PPIL2: variants seen among roughly 807,000 people sequenced by gnomAD.
PPIL2 encodes the protein peptidylprolyl isomerase like 2.
Under a neutral mutation model 75.2 loss-of-function variants are expected in PPIL2, and 50 were observed. The observed-to-expected ratio is 0.66, with a 90% CI of 0.53 to 0.84. The LOEUF is 0.84. Ranked by LOEUF, PPIL2 falls within the 40% of genes least tolerant of loss-of-function variation. The pLI is 0.00. For synonymous variants in PPIL2, 245 were observed against 258.8 expected, an observed-to-expected ratio of 0.95 and a Z score of 0.51; for missense variants, 590 against 685.0, an observed-to-expected ratio of 0.86 and a Z score of 1.55.
chr22:21,696,964 GAAC>G lies in PPIL2; in HGVS notation c.*1477_*1479del. 6.4e-7 allele frequency: 1 copy of G among 1,568,494 alleles called. No homozygotes were observed. Among genetic ancestry groups the G allele is most frequent in the Non-Finnish European group, 8.6e-7 (1 of 1,157,174 alleles). On this transcript the variant is annotated 3_prime_UTR_variant, in exon 20 of 20. Coordinates refer to ENST00000398831, the MANE Select transcript of PPIL2 (RefSeq NM_014337.4). Reference sequence around the variant, plus strand: ...AATCTGTGGCCCTTCATCATGCTAAGAACAAGAACTGCGCCATGGCTGGCTCCT... The same window carrying G: ...AATCTGTGGCCCTTCATCATGCTAAGAAGAACTGCGCCATGGCTGGCTCCT...
At chr22:21,680,443 A>G (rs949068830) in intron 6 of PPIL2, among the ~76,000 whole-genome samples, 1 of 152,162 alleles carries the variant, frequency 6.6e-6, no homozygotes, top group Non-Finnish European at 1.5e-5. Context: ...AGGCAGCAGA[A>G]TCGCTGGAAC....
At chr22:21,688,421 G>A (rs12169219) in intron 14 of PPIL2, among the ~76,000 whole-genome samples, 3,940 of 152,272 alleles carry the variant, frequency 0.026, 165 homozygotes, top group African/African-American at 0.089. Flanking sequence ...AGCTGCTTGG[G>A]TCCAGATCCC....
chr22:21,692,209 G>A (rs569878264), intron 15 of PPIL2, among the ~76,000 whole-genome samples: 8 of 151,514 alleles, frequency 5.3e-5, no homozygotes, highest in East Asian at 3.9e-4. Context: ...AGGCTGGAGT[G>A]CAGCGGCGCG....
Position 21,681,315 on chromosome 22 carries a change from A to G in PPIL2, c.312A>G (p.Pro104=). 1 of 1,613,908 alleles carries G rather than the reference A, an allele frequency of 6.2e-7. No individual in the cohort carries two copies. The highest frequency in any genetic ancestry group is 8.5e-7 in the Non-Finnish European group (1 of 1,179,768). The change falls in exon 7 of 20, where the codon CCA becomes CCG. Residue 104 remains proline (P), a synonymous_variant. Coordinates refer to ENST00000398831, the MANE Select transcript of PPIL2 (RefSeq NM_014337.4). ...SKNSEGKYHC[P]VLFTVFTNNT... is the part of the protein sequence containing the mutation. Reference sequence around the variant, plus strand: ...TCTCTCTAGGGAAGTACCACTGCCCAGTGCTGTTTACCGTGTTCACCAACA... The same window carrying G: ...TCTCTCTAGGGAAGTACCACTGCCCGGTGCTGTTTACCGTGTTCACCAACA...
At chr22:21,677,551 G>A (rs1489960640) in intron 6 of PPIL2, among the ~76,000 whole-genome samples, 1 of 152,202 alleles carries the variant, frequency 6.6e-6, no homozygotes, top group Non-Finnish European at 1.5e-5. Flanking sequence ...ACGAAAACCA[G>A]TCAGGCGTGG....
chr22:21,670,767 A>G (rs2066600981), intron 3 of PPIL2, 156 bp downstream of exon 3: 1 of 935,884 alleles, frequency 1.1e-6, no homozygotes, highest in Non-Finnish European at 1.7e-6. Context: ...AGTCCTCGTC[A>G]TGATGTTAGG....
At chr22:21,690,771 G>A (rs766568628) in intron 15 of PPIL2, among the ~76,000 whole-genome samples, 3 of 152,138 alleles carry the variant, frequency 2.0e-5, no homozygotes, top group Non-Finnish European at 4.4e-5. Context: ...GTTGTTGGTA[G>A]CTTCCCTTTC....
chr22:21,691,915 G>A (rs1160056650), intron 15 of PPIL2, among the ~76,000 whole-genome samples: 6 of 152,112 alleles, frequency 3.9e-5, no homozygotes, highest in Admixed American at 6.5e-5. Flanking sequence ...GCTCAGGAGC[G>A]TGTCCCTGCG....
At chr22:21,672,266 C>G in intron 4 of PPIL2, 64 bp from the exon 5 acceptor site, 1 of 1,433,454 alleles carries the variant, frequency 7.0e-7, no homozygotes, top group Non-Finnish European at 9.8e-7. Flanking sequence ...TGCAAGACCA[C>G]AGTGTTGTTA....
intron 6 of PPIL2, among the ~76,000 whole-genome samples, chr22:21,680,272 A>G (rs1455692946): frequency 6.6e-6 from 1 of 152,136 alleles, no homozygotes; most frequent in South Asian, 2.1e-4. Flanking sequence ...CATGCCTGTA[A>G]TGCCAGCACT....
intron 6 of PPIL2, among the ~76,000 whole-genome samples, chr22:21,678,300 C>T (rs1357969684): frequency 6.6e-6 from 1 of 152,038 alleles, no homozygotes; most frequent in Non-Finnish European, 1.5e-5. Context: ...GGCACAGTCT[C>T]AGCTCACTGC....
chr22:21,667,456 A>C (rs2066437232), intron 1 of PPIL2, among the ~76,000 whole-genome samples: 1 of 151,366 alleles, frequency 6.6e-6, no homozygotes, highest in African/African-American at 2.4e-5. Context: ...GCGTCTGGGC[A>C]GCCTCAGTCC....
intron 11 of PPIL2, 55 bp downstream of exon 11, chr22:21,686,613 G>T: frequency 6.4e-7 from 1 of 1,551,806 alleles, no homozygotes; most frequent in South Asian, 1.1e-5. Context: ...GTGGCAGGGG[G>T]TGGGTGTGCT....
chr22:21,694,883 G>T, intron 18 of PPIL2, 54 bp from the exon 19 acceptor site: 1 of 1,596,702 alleles, frequency 6.3e-7, no homozygotes, highest in Admixed American at 1.7e-5. Context: ...CCCAAGCCTA[G>T]CATCTGTCCT....
intron 19 of PPIL2, 89 bp from the exon 20 acceptor site, chr22:21,695,305 C>T: frequency 1.4e-6 from 2 of 1,455,346 alleles, no homozygotes; most frequent in Admixed American, 4.1e-5. Context: ...AGGGGTTGGG[C>T]CTACACCGGG....
chr22:21,667,897 T>A (rs1406814216), intron 1 of PPIL2, among the ~76,000 whole-genome samples: 3 of 147,866 alleles, frequency 2.0e-5, no homozygotes, highest in Non-Finnish European at 4.4e-5. Context: ...CACCTCAGCC[T>A]CCCCAGTAGC....
intron 10 of PPIL2, among the ~76,000 whole-genome samples, chr22:21,685,130 G>A (rs1416148782): frequency 1.3e-5 from 2 of 152,236 alleles, no homozygotes; most frequent in Non-Finnish European, 1.5e-5. Context: ...CAGAAGGGGA[G>A]GGGCTGATGT....
At chr22:21,666,585 G>C (rs2066391182) in intron 1 of PPIL2, among the ~76,000 whole-genome samples, 1 of 152,166 alleles carries the variant, frequency 6.6e-6, no homozygotes, top group Non-Finnish European at 1.5e-5. Context: ...GAGGCGGGCG[G>C]ATCACCTGAG....
intron 12 of PPIL2, 51 bp from the exon 13 acceptor site, chr22:21,687,592 G>A (rs768435967): frequency 5.8e-6 from 6 of 1,035,224 alleles, no homozygotes; most frequent in Non-Finnish European, 8.6e-6. Flanking sequence ...GCTGTGGTGA[G>A]CTGCCTTTGG....
Sources: allele counts gnomAD v4.1 joint callset (sites outside exome capture counted in the v4.1 genomes callset), GRCh38; gene constraint gnomAD v4.1.1; transcripts MANE v1.5; gene names NCBI Gene and HGNC (gene_info 2026-07-23, HGNC 2026-07-21).